CFAP210: variants seen among roughly 807,000 people sequenced by gnomAD.
CFAP210 encodes cilia and flagella associated protein 210, also known as cilia- and flagella- associated protein 210.
the CFAP210 span, among the ~76,000 whole-genome samples, chr2:169,686,913 G>GA: frequency 1.3e-5 from 2 of 152,178 alleles, no homozygotes; most frequent in South Asian, 2.1e-4. Context: ...AGACTGGAGA[G>GA]AAAAAAAGGT....
At chr2:169,670,649 T>C in the CFAP210 span, among the ~76,000 whole-genome samples, 12 of 152,188 alleles carry the variant, frequency 7.9e-5, no homozygotes, top group African/African-American at 2.9e-4. Flanking sequence ...CACTGTCACA[T>C]ATTTGGTGTC....
At chr2:169,647,671 C>T in the CFAP210 span, among the ~76,000 whole-genome samples, 19 of 152,198 alleles carry the variant, frequency 1.2e-4, no homozygotes, top group Non-Finnish European at 2.4e-4. Flanking sequence ...CTTATTTGAT[C>T]GTGATTGAAA....
At chr2:169,665,886 C>A in the CFAP210 span, among the ~76,000 whole-genome samples, 2 of 152,122 alleles carry the variant, frequency 1.3e-5, no homozygotes, top group African/African-American at 4.8e-5. Context: ...TCCCACCAGC[C>A]TGACTCCTTT....
chr2:169,646,209 CTT>C, the CFAP210 span: 7 of 1,523,170 alleles, frequency 4.6e-6, no homozygotes, highest in Non-Finnish European at 4.5e-6. Context: ...GGAAATTTAA[CTT>C]AATATTGGTT....
chr2:169,649,247 T>C, the CFAP210 span: 1 of 1,613,952 alleles, frequency 6.2e-7, no homozygotes, highest in Non-Finnish European at 8.5e-7. Context: ...TTTTTCTCCT[T>C]TTCATGTTCC....
At chr2:169,668,991 T>C in the CFAP210 span, among the ~76,000 whole-genome samples, 28 of 152,210 alleles carry the variant, frequency 1.8e-4, no homozygotes, top group East Asian at 5.4e-3. Context: ...CAAAGTACAA[T>C]AAAGCAAAGC....
chr2:169,668,568 G>A, the CFAP210 span, among the ~76,000 whole-genome samples: 11 of 152,246 alleles, frequency 7.2e-5, no homozygotes, highest in South Asian at 2.1e-4. Flanking sequence ...AGTGAGAGAC[G>A]TGCAACTCTT....
chr2:169,691,610 G>T, the CFAP210 span, among the ~76,000 whole-genome samples: 2 of 152,272 alleles, frequency 1.3e-5, no homozygotes, highest in East Asian at 1.9e-4. Flanking sequence ...GATTATTGAG[G>T]ATGCTTTCAA....
the CFAP210 span, chr2:169,681,092 G>A: frequency 6.2e-7 from 1 of 1,613,908 alleles, no homozygotes; most frequent in Non-Finnish European, 8.5e-7. Context: ...ACGGAGGCAT[G>A]CTGCTTCTCT....
chr2:169,677,626 G>C, the CFAP210 span, among the ~76,000 whole-genome samples: 2 of 152,202 alleles, frequency 1.3e-5, no homozygotes, highest in African/African-American at 4.8e-5. Flanking sequence ...AAAGGTGAAA[G>C]AATGAGTACT....
At chr2:169,674,809 C>T in the CFAP210 span, 4 of 1,508,432 alleles carry the variant, frequency 2.7e-6, no homozygotes, top group South Asian at 1.3e-5. Context: ...GAAATGATGC[C>T]TAATTATGTA....
chr2:169,684,478 C>T, the CFAP210 span, among the ~76,000 whole-genome samples: 1 of 152,222 alleles, frequency 6.6e-6, no homozygotes. Flanking sequence ...CTCCTCATAG[C>T]TCCTGGCAAC....
At chr2:169,674,654 T>C in the CFAP210 span, 5 of 1,609,496 alleles carry the variant, frequency 3.1e-6, no homozygotes, top group Non-Finnish European at 4.2e-6. Flanking sequence ...TTTAAAAGCT[T>C]TTTCAATGTT....
the CFAP210 span, chr2:169,645,576 T>C: frequency 3.0e-6 from 1 of 329,150 alleles, no homozygotes; most frequent in South Asian, 4.7e-5. Context: ...AACTACACAA[T>C]GGTCATGGCT....
chr2:169,653,029 AATAT>A, the CFAP210 span, among the ~76,000 whole-genome samples: 2,640 of 39,842 alleles, frequency 0.066, 155 homozygotes, highest in Middle Eastern at 0.083. Flanking sequence ...AAAAAAAAAA[AATAT>A]ATATATATAT....
the CFAP210 span, chr2:169,658,724 C>T: frequency 1.2e-5 from 4 of 323,020 alleles, no homozygotes; most frequent in Non-Finnish European, 2.5e-5. Flanking sequence ...ACTGTTATTG[C>T]ATCATGGATT....
At chr2:169,663,947 G>C in the CFAP210 span, among the ~76,000 whole-genome samples, 5 of 151,882 alleles carry the variant, frequency 3.3e-5, no homozygotes, top group African/African-American at 1.2e-4. Flanking sequence ...CCAGCACTTT[G>C]GGAGGCCAAG....
the CFAP210 span, chr2:169,675,004 G>A: frequency 1.6e-5 from 24 of 1,526,984 alleles, no homozygotes; most frequent in Middle Eastern, 1.7e-4. Context: ...TCTTCATCAC[G>A]CTTCTTTTTG....
the CFAP210 span, among the ~76,000 whole-genome samples, chr2:169,670,184 C>T: frequency 1.3e-5 from 2 of 152,088 alleles, no homozygotes; most frequent in African/African-American, 4.8e-5. Flanking sequence ...AGAAAGAAGA[C>T]CTATACAGTG....
Sources: allele counts gnomAD v4.1 joint callset (sites outside exome capture counted in the v4.1 genomes callset), GRCh38; gene constraint gnomAD v4.1.1; transcripts MANE v1.5; gene names NCBI Gene and HGNC (gene_info 2026-07-23, HGNC 2026-07-21).